NAALADL2: variants seen among roughly 807,000 people sequenced by gnomAD.
NAALADL2 encodes inactive N-acetylated-alpha-linked acidic dipeptidase-like protein 2.
Under a neutral mutation model 87.2 loss-of-function variants are expected in NAALADL2, and 76 were observed. The ratio of observed to expected loss-of-function variants is 0.87; its 90% CI spans 0.72 to 1.05. The LOEUF (loss-of-function observed/expected upper bound fraction) is 1.05. Among genes scored for constraint, NAALADL2 ranks in the 50% least tolerant of loss-of-function variants. NAALADL2 has a pLI of 0.00. For missense variants in NAALADL2, 1,089 were observed against 945.8 expected (o/e 1.15, Z -1.99); for synonymous variants, 354 against 331.0 (o/e 1.07, Z -0.75).
At chr3:175,231,923 A>G (rs1744993912) in intron 2 of NAALADL2, among the ~76,000 whole-genome samples, 1 of 152,104 alleles carries the variant, frequency 6.6e-6, no homozygotes, top group Non-Finnish European at 1.5e-5. Context: ...AGAGAATGCA[A>G]TAGCAATGGA....
chr3:174,491,446 A>C (rs1051276578), intron 1 of NAALADL2, among the ~76,000 whole-genome samples: 1 of 152,118 alleles, frequency 6.6e-6, no homozygotes, highest in Admixed American at 6.6e-5. Flanking sequence ...TACTCTTTGG[A>C]AGTATTTTAT....
At chr3:174,685,010 G>A (rs1727898245) in intron 2 of NAALADL2, among the ~76,000 whole-genome samples, 1 of 151,542 alleles carries the variant, frequency 6.6e-6, no homozygotes, top group African/African-American at 2.4e-5. Context: ...GGAATGACTT[G>A]GTTCTTATTT....
intron 5 of NAALADL2, among the ~76,000 whole-genome samples, chr3:175,376,716 C>T (rs1485545769): frequency 6.6e-6 from 1 of 152,106 alleles, no homozygotes; most frequent in East Asian, 1.9e-4. Flanking sequence ...CTCCTTCCCC[C>T]ATTTGAAAGT....
chr3:174,705,385 C>T (rs904676031), intron 2 of NAALADL2, among the ~76,000 whole-genome samples: 22 of 152,258 alleles, frequency 1.4e-4, no homozygotes, highest in Admixed American at 1.4e-3. Context: ...TTCTGAAGAG[C>T]ATAATTTGTC....
intron 3 of NAALADL2, among the ~76,000 whole-genome samples, chr3:174,837,060 A>G (rs1052604785): frequency 2.0e-5 from 3 of 152,076 alleles, no homozygotes; most frequent in Admixed American, 2.0e-4. Flanking sequence ...GAAAGAACAC[A>G]GACAATCTAA....
intron 3 of NAALADL2, among the ~76,000 whole-genome samples, chr3:174,807,384 A>G (rs1719633045): frequency 1.3e-5 from 2 of 152,132 alleles, no homozygotes; most frequent in African/African-American, 4.8e-5. Flanking sequence ...CATACGATGC[A>G]CTTAGCCGTG....
chr3:175,109,780 T>A (rs767138908), intron 2 of NAALADL2, among the ~76,000 whole-genome samples: 1 of 151,836 alleles, frequency 6.6e-6, no homozygotes, highest in Non-Finnish European at 1.5e-5. Context: ...TAGAACTGTT[T>A]CTTTACTAAT....
chr3:175,189,441 C>T (rs1195754385), intron 2 of NAALADL2, among the ~76,000 whole-genome samples: 1 of 152,066 alleles, frequency 6.6e-6, no homozygotes, highest in Non-Finnish European at 1.5e-5. Context: ...CAAATATTGA[C>T]ATAGTTGAAA....
intron 1 of NAALADL2, among the ~76,000 whole-genome samples, chr3:174,520,060 G>T (rs548329716): frequency 6.6e-6 from 1 of 152,264 alleles, no homozygotes; most frequent in African/African-American, 2.4e-5. Flanking sequence ...GAAAGAAATT[G>T]TGGATGATAT....
At chr3:175,423,030 T>C (rs71629255) in intron 5 of NAALADL2, among the ~76,000 whole-genome samples, 1 of 82,820 alleles carries the variant, frequency 1.2e-5, no homozygotes. Context: ...AAAAAAAAAA[T>C]ATATATATAT....
chr3:175,113,868 GTC>G, intron 2 of NAALADL2, among the ~76,000 whole-genome samples: 1 of 151,642 alleles, frequency 6.6e-6, no homozygotes, highest in East Asian at 2.0e-4. Flanking sequence ...AGAAAACGCT[GTC>G]TCTGTTTTTC....
Position 175,067,535 on chromosome 3 carries a change from C to T in NAALADL2, c.44-29255C>T, listed in dbSNP as rs572995804. 3.9e-5 allele frequency among the ~76,000 whole-genome samples: 6 copies of T among 152,202 alleles called. No homozygotes were observed. In the South Asian group the frequency reaches 1.2e-3, roughly 32 times the overall value. Reference sequence around the variant, plus strand: ...ATCAGAGAAATGTAAAATAAAACCACAATAAGATACCATCTCACACTAGTC... The same window carrying T: ...ATCAGAGAAATGTAAAATAAAACCATAATAAGATACCATCTCACACTAGTC... On this transcript the variant is annotated intron_variant, in intron 1 of 13. Coordinates refer to ENST00000454872, the MANE Select transcript of NAALADL2 (RefSeq NM_207015.3).
intron 11 of NAALADL2, among the ~76,000 whole-genome samples, chr3:175,669,950 C>G (rs771966717): frequency 2.6e-5 from 4 of 151,898 alleles, no homozygotes; most frequent in Non-Finnish European, 5.9e-5. Flanking sequence ...TTAAAACACC[C>G]CTTTCAGTGC....
intron 1 of NAALADL2, among the ~76,000 whole-genome samples, chr3:174,508,262 T>C (rs1261731754): frequency 6.6e-6 from 1 of 151,868 alleles, no homozygotes; most frequent in East Asian, 1.9e-4. Flanking sequence ...TACAGGCGCC[T>C]GCCACCATGC....
chr3:174,929,690 A>T (rs186840206), intron 1 of NAALADL2, among the ~76,000 whole-genome samples: 425 of 152,268 alleles, frequency 2.8e-3, no homozygotes, highest in African/African-American at 9.9e-3. Context: ...CCGTTGGACT[A>T]TGTATAGGAG....
chr3:175,628,045 A>AT lies in NAALADL2; in HGVS notation c.1896+664dup, dbSNP rs370907129. Among the ~76,000 whole-genome samples the AT allele has an allele frequency of 7.0e-3, 1,070 of 151,860 alleles. 11 individuals are homozygous for AT. Among genetic ancestry groups the AT allele is most frequent in the African/African-American group, 0.024 (1,017 of 41,522 alleles). On this transcript the variant is annotated intron_variant, in intron 11 of 13. Transcript: ENST00000454872. ...TTTACTGAATGGCAATCATACTTAT[A>AT]TTTTTAACATACAGATGTCCCCCAA...
intron 4 of NAALADL2, among the ~76,000 whole-genome samples, chr3:175,321,685 C>T (rs1478384048): frequency 2.4e-4 from 26 of 110,278 alleles, no homozygotes; most frequent in African/African-American, 4.0e-4. Flanking sequence ...CATTCTTATA[C>T]ACCAATAACA....
Position 174,865,396 on chromosome 3 carries a change from A to G in NAALADL2, c.43+5946A>G, listed in dbSNP as rs140235509. Among the ~76,000 whole-genome samples, 537 of 152,096 alleles carry G rather than the reference A, an allele frequency of 3.5e-3. 3 individuals carry two copies. Among genetic ancestry groups the G allele is most frequent in the Middle Eastern group, 0.02 (6 of 294 alleles). The stretch of plus-strand genomic sequence containing the variant: ...TCTGAGATCTGATTAAACTGCTGAA[A>G]TCCATTCAATCTCTTGATTCCTTTG... On this transcript the variant is annotated intron_variant, in intron 1 of 13. Transcript: ENST00000454872.
chr3:175,176,639 C>T (rs1735730591), intron 2 of NAALADL2, among the ~76,000 whole-genome samples: 2 of 151,970 alleles, frequency 1.3e-5, no homozygotes, highest in Admixed American at 6.6e-5. Context: ...CTTTCTTTCC[C>T]TTGAGAAAAT....
Sources: gnomAD v4.1 joint callset for allele counts (sites outside exome capture counted in the v4.1 genomes callset) on GRCh38, gnomAD v4.1.1 for gene constraint, MANE v1.5 for transcripts, NCBI Gene and HGNC (gene_info 2026-07-23, HGNC 2026-07-21) for gene names.